Variants in STX16 observed in about 807,000 individuals in gnomAD.
STX16 encodes syntaxin 16, also known as syntaxin-16.
A neutral mutation model predicts 42.7 loss-of-function variants in STX16; 28 were observed. The ratio of observed to expected loss-of-function variants is 0.66; its 90% confidence interval spans 0.49 to 0.90. The LOEUF (loss-of-function observed/expected upper bound fraction) is 0.90. Among genes scored for constraint, STX16 ranks in the 40% least tolerant of loss-of-function variants. The pLI is 0.00. For missense variants in STX16, 361 were observed against 420.9 expected, an observed-to-expected ratio of 0.86 and a Z score of 1.24; for synonymous variants, 156 against 155.2, an observed-to-expected ratio of 1.00 and a Z score of -0.04.
rs1262931407 is a variant in STX16, at chr20:58,671,427, TGTGTGTGTGG to T, written c.792+140_792+149del. ...AACATGTGTGTGCACCTGTCCTTTA[TGTGTGTGTGG>T]GTGTGTGTGTGTGTGTGTGTGTGTG... is the stretch of plus-strand genomic sequence containing the variant. On this transcript the variant is annotated intron_variant, in intron 7 of 8. Coordinates refer to ENST00000371141, the MANE Select transcript of STX16 (RefSeq NM_001001433.3). 0.029 allele frequency: 11,990 copies of T among 418,512 alleles called. 724 individuals are homozygous for T. Among genetic ancestry groups the T allele is most frequent in the African/African-American group, 0.28 (7,016 of 25,492 alleles). The allele number at this position is 418,512 out of a possible 1,614,324, so 25.9% of individuals were successfully genotyped here.
chr20:58,662,445 G>A (rs1353466965), intron 2 of STX16, among the ~76,000 whole-genome samples: 2 of 152,176 alleles, frequency 1.3e-5, no homozygotes, highest in African/African-American at 4.8e-5. Context: ...GAAAATCAGT[G>A]AAACTTAACA....
At chr20:58,652,802 A>T (rs930984710) in intron 1 of STX16, among the ~76,000 whole-genome samples, 1 of 151,944 alleles carries the variant, frequency 6.6e-6, no homozygotes, top group African/African-American at 2.4e-5. Flanking sequence ...TTTCCTCTCC[A>T]TTCGAACTTT....
In STX16 at chr20:58,678,202, C is replaced by T. The variant is rs930879979; in HGVS notation, c.*1911C>T. 2 of 152,202 alleles carry T rather than the reference C, an allele frequency of 1.3e-5. No individual in the cohort carries two copies. Among genetic ancestry groups the T allele is most frequent in the Admixed American group, 1.3e-4 (2 of 15,274 alleles). 9.4% of individuals were successfully genotyped at this position (152,202 alleles called of 1,614,324 possible). A position where few individuals can be genotyped will look rare whatever the true frequency, so the allele number is the denominator to read the frequency against. On this transcript the variant is annotated 3_prime_UTR_variant, in exon 9 of 9. Coordinates refer to ENST00000371141, the MANE Select transcript of STX16 (RefSeq NM_001001433.3). ...TGGCAATACCGGACTTCTGTTCAAG[C>T]TTTTTAAAGTGCTGAGCCTTACAAA...
chr20:58,667,678 C>T (rs888696594), intron 3 of STX16, 81 bp downstream of exon 3: 13 of 1,255,870 alleles, frequency 1.0e-5, no homozygotes, highest in South Asian at 2.5e-5. Context: ...GTCATATAAA[C>T]GAATTTGGCT....
chr20:58,666,405 T>C (rs1356797182), intron 2 of STX16, among the ~76,000 whole-genome samples: 1 of 148,240 alleles, frequency 6.7e-6, no homozygotes, highest in Non-Finnish European at 1.5e-5. Context: ...TTTCCCTCTG[T>C]TTTTTGTGTG....
chr20:58,652,594 C>A (rs970021164), intron 1 of STX16, among the ~76,000 whole-genome samples: 2 of 152,028 alleles, frequency 1.3e-5, no homozygotes, highest in African/African-American at 4.8e-5. Flanking sequence ...CGACTCCCTC[C>A]CCTCAAAGAG....
At position 58,656,667 on chromosome 20, in the gene STX16, C is replaced by T. The variant is rs532421373; in HGVS notation, c.133-2956C>T. Among the ~76,000 whole-genome samples, 27 of 152,188 alleles carry T rather than the reference C, an allele frequency of 1.8e-4. No individual in the cohort carries two copies. In the South Asian group the frequency reaches 3.5e-3, roughly 20 times the overall value. ...TGCATAATCTATAATTGGAAGCTAG[C>T]GTTAATTGGTCTTAGATTAGTTTGA... On this transcript the variant is annotated intron_variant, in intron 1 of 8. Transcript: ENST00000371141.
Position 58,671,446 on chromosome 20 carries a change from G to A in STX16, c.792+149G>A, listed in dbSNP as rs1244235353. 2.5e-4 allele frequency: 104 copies of A among 416,014 alleles called. 1 individual carries two copies. The highest frequency in any genetic ancestry group is 5.1e-4 in the South Asian group (7 of 13,790). 25.8% of individuals were successfully genotyped at this position (416,014 alleles called of 1,614,324 possible). A position where few individuals can be genotyped will look rare whatever the true frequency, so the allele number is the denominator to read the frequency against. On this transcript the variant is annotated intron_variant, in intron 7 of 8. Coordinates refer to ENST00000371141, the MANE Select transcript of STX16 (RefSeq NM_001001433.3). ...CCTTTATGTGTGTGTGGGTGTGTGT[G>A]TGTGTGTGTGTGTGTGTGTGTGTGT...
intron 5 of STX16, among the ~76,000 whole-genome samples, chr20:58,670,175 A>AT (rs1205538430): frequency 6.6e-6 from 1 of 152,234 alleles, no homozygotes; most frequent in Admixed American, 6.5e-5. Flanking sequence ...AGAAATACTG[A>AT]TTTTTTAAAA....
chr20:58,661,204 A>G (rs1436615574), intron 2 of STX16, among the ~76,000 whole-genome samples: 1 of 152,216 alleles, frequency 6.6e-6, no homozygotes, highest in Admixed American at 6.5e-5. Flanking sequence ...TTATGGAACC[A>G]CTTAGGTTGA....
rs1422285388 is a variant in STX16 at position 58,676,284 on chromosome 20, C to T, written c.971C>T (p.Ser324Phe). 2.5e-6 allele frequency: 4 copies of T among 1,613,944 alleles called. No individual in the cohort carries two copies. The highest frequency in any genetic ancestry group is 3.4e-6 in the Non-Finnish European group (4 of 1,179,920). ...VLIVVLVGVK[S>F]R is the part of the protein sequence containing the mutation. Reference sequence around the variant, plus strand: ...ATTGTTGTCCTCGTTGGCGTGAAGTCTCGATAAGTGGCATTGGGTTTTCGT... The same window carrying T: ...ATTGTTGTCCTCGTTGGCGTGAAGTTTCGATAAGTGGCATTGGGTTTTCGT... Residue 324 changes from serine (S) to phenylalanine (F), a missense_variant, in exon 9 of 9, where the codon TCT becomes TTT. By Grantham distance (155) the Ser-to-Phe change is radical. Transcript: ENST00000371141.
intron 1 of STX16, 24 bp downstream of exon 1, chr20:58,652,162 GA>G: frequency 6.2e-7 from 1 of 1,612,312 alleles, no homozygotes; most frequent in Non-Finnish European, 8.5e-7. Context: ...CGGCCTCTCC[GA>G]CACACGGACC....
intron 5 of STX16, among the ~76,000 whole-genome samples, 167 bp downstream of exon 5, chr20:58,669,620 G>A (rs190232458): frequency 9.9e-4 from 151 of 152,260 alleles, no homozygotes; most frequent in African/African-American, 3.4e-3. Context: ...GTGAAACCCT[G>A]GCTTGGAATG....
chr20:58,663,670 T>C (rs1318247235), intron 2 of STX16, among the ~76,000 whole-genome samples: 1 of 151,918 alleles, frequency 6.6e-6, no homozygotes, highest in Non-Finnish European at 1.5e-5. Flanking sequence ...GAAGCACAAA[T>C]TTATTTATTT....
intron 1 of STX16, among the ~76,000 whole-genome samples, chr20:58,653,879 T>C (rs2083529675): frequency 6.6e-6 from 1 of 151,578 alleles, no homozygotes; most frequent in Admixed American, 6.6e-5. Flanking sequence ...CCCGATTAAG[T>C]CAGACAGTTT....
intron 1 of STX16, 113 bp downstream of exon 1, chr20:58,652,251 CTAAGAATAATAAGAT>C (rs1342482972): frequency 6.9e-7 from 1 of 1,439,648 alleles, no homozygotes; most frequent in African/African-American, 1.4e-5. Flanking sequence ...AATAATAAGA[CTAAGAATAATAAGAT>C]CTCTTGGCTA....
At chr20:58,666,569 C>T (rs1159053373) in intron 2 of STX16, among the ~76,000 whole-genome samples, 1 of 151,954 alleles carries the variant, frequency 6.6e-6, no homozygotes, top group African/African-American at 2.4e-5. Flanking sequence ...GCTGGGATTA[C>T]AGGCATAAGC....
Position 58,676,256 on chromosome 20 carries a change from C to T in STX16, c.943C>T (p.Leu315Phe), listed in dbSNP as rs745717748. The change falls in exon 9 of 9, where the codon CTC (leucine) becomes TTC (phenylalanine). Residue 315 changes from leucine to phenylalanine, a missense_variant. By Grantham distance (22) the Leu-to-Phe change is conservative (BLOSUM62 0). Coordinates refer to ENST00000371141, the MANE Select transcript of STX16 (RefSeq NM_001001433.3). ...ILILFVIIIV[L>F]IVVLVGVKSR ...AATATTATTTGTCATCATCATTGTG[C>T]TCATTGTTGTCCTCGTTGGCGTGAA... is the stretch of plus-strand genomic sequence containing the variant. The T allele has an allele frequency of 8.7e-6, 14 of 1,614,030 alleles. No homozygotes were observed. The highest frequency in any genetic ancestry group is 2.7e-5 in the African/African-American group (2 of 74,908).
intron 1 of STX16, among the ~76,000 whole-genome samples, chr20:58,653,096 T>C (rs982339234): frequency 1.3e-5 from 2 of 152,232 alleles, no homozygotes; most frequent in African/African-American, 4.8e-5. Flanking sequence ...TGAAACTGGC[T>C]GTAGTTCAGG....
Sources: gnomAD v4.1 joint callset for allele counts (sites outside exome capture counted in the v4.1 genomes callset) on GRCh38, gnomAD v4.1.1 for gene constraint, MANE v1.5 for transcripts, NCBI Gene and HGNC (gene_info 2026-07-23, HGNC 2026-07-21) for gene names.